The following CACNA1C variants were observed in gnomAD, a reference collection of about 807,000 sequenced individuals.
CACNA1C encodes the protein voltage-dependent L-type calcium channel subunit alpha-1C.
Under a neutral mutation model 229.0 loss-of-function variants are expected in CACNA1C, and 30 were observed. That is an observed-to-expected ratio of 0.13 (90% CI 0.10 to 0.18). CACNA1C has a LOEUF of 0.18. Ranked by LOEUF, CACNA1C falls within the 10% of genes least tolerant of loss-of-function variation. The pLI is 1.00. For synonymous variants in CACNA1C, 1,114 were observed against 1,132.5 expected (o/e 0.98, Z 0.33); for missense variants, 1,658 against 2,845.0 (o/e 0.58, Z 9.49).
At chr12:2,459,297 G>A (rs1379686930) in intron 5 of CACNA1C, among the ~76,000 whole-genome samples, 1 of 151,272 alleles carries the variant, frequency 6.6e-6, no homozygotes, top group African/African-American at 2.4e-5. Context: ...TTACCGGCAT[G>A]AGCCACTGCG....
intron 3 of CACNA1C, among the ~76,000 whole-genome samples, chr12:2,262,512 A>G (rs775986608): frequency 7.2e-5 from 11 of 152,160 alleles, no homozygotes; most frequent in Non-Finnish European, 1.3e-4. Flanking sequence ...CAGCATCTGC[A>G]GTGGTGTGTG....
chr12:2,585,548 G>A lies in CACNA1C; in HGVS notation c.2460+52G>A. On this transcript the variant is annotated intron_variant, in intron 17 of 46. Coordinates refer to ENST00000399655, the MANE Select transcript of CACNA1C (RefSeq NM_000719.7). The surrounding 1 kb of genome is among the most constrained non-coding windows in gnomAD (Gnocchi z 4.1). Reference sequence around the variant, plus strand: ...TGTGAGGCCGGTGCTGGGGAGGGAGGGCCACAGCCTTCCCAGGCCAGAACC... The same window carrying A: ...TGTGAGGCCGGTGCTGGGGAGGGAGAGCCACAGCCTTCCCAGGCCAGAACC... The A allele has an allele frequency of 6.7e-7, 1 of 1,499,292 alleles. No homozygotes were observed. The highest frequency in any genetic ancestry group is 8.9e-7 in the Non-Finnish European group (1 of 1,120,218). The allele number at this position is 1,499,292 out of a possible 1,614,324, so 92.9% of individuals were successfully genotyped here. A position where few individuals can be genotyped will look rare whatever the true frequency, so the allele number is the denominator to read the frequency against.
intron 3 of CACNA1C, among the ~76,000 whole-genome samples, chr12:2,408,222 G>A (rs1297608798): frequency 1.3e-5 from 2 of 152,202 alleles, no homozygotes; most frequent in Non-Finnish European, 2.9e-5. Flanking sequence ...TAGAATTGTA[G>A]TTTCCAGGGA....
At chr12:2,464,801 A>G (rs929530597) in intron 5 of CACNA1C, among the ~76,000 whole-genome samples, 3 of 152,202 alleles carry the variant, frequency 2.0e-5, no homozygotes, top group Non-Finnish European at 4.4e-5. Flanking sequence ...CCATGTGTGG[A>G]TAGAGGTCAG....
chr12:2,302,788 T>C (rs541604841), intron 3 of CACNA1C, among the ~76,000 whole-genome samples: 2 of 152,348 alleles, frequency 1.3e-5, no homozygotes, highest in South Asian at 4.1e-4. Context: ...CAGTAAATAT[T>C]CCCTCATGAG....
intron 13 of CACNA1C, among the ~76,000 whole-genome samples, chr12:2,580,711 G>A (rs1166052865): frequency 6.6e-6 from 1 of 152,144 alleles, no homozygotes; most frequent in Non-Finnish European, 1.5e-5. Context: ...AGAGGCCCCA[G>A]GACTGTAAGG....
At chr12:2,223,083 T>C (rs2061898163) in intron 3 of CACNA1C, among the ~76,000 whole-genome samples, 1 of 152,240 alleles carries the variant, frequency 6.6e-6, no homozygotes. Context: ...AGGCACTTAA[T>C]TTTTAAATCC....
At chr12:2,413,056 C>T (rs768610094) in intron 3 of CACNA1C, among the ~76,000 whole-genome samples, 8 of 152,216 alleles carry the variant, frequency 5.3e-5, no homozygotes, top group Non-Finnish European at 1.2e-4. Context: ...CTCGCTCTGT[C>T]GCCCAGGCTG....
intron 3 of CACNA1C, among the ~76,000 whole-genome samples, chr12:2,339,579 C>T (rs1206246744): frequency 6.6e-6 from 1 of 152,070 alleles, no homozygotes; most frequent in Non-Finnish European, 1.5e-5. Context: ...AAAATACTCT[C>T]TTTATATCCT....
At chr12:2,270,604 C>T (rs1340866748) in intron 3 of CACNA1C, among the ~76,000 whole-genome samples, 1 of 152,144 alleles carries the variant, frequency 6.6e-6, no homozygotes, top group East Asian at 1.9e-4. Flanking sequence ...GTATAGAGAG[C>T]CCACGGCCAT....
At chr12:2,227,262 T>C (rs186636704) in intron 3 of CACNA1C, among the ~76,000 whole-genome samples, 136 of 152,328 alleles carry the variant, frequency 8.9e-4, no homozygotes, top group African/African-American at 3.1e-3. Flanking sequence ...CCCAAGAACA[T>C]GAGCATTTCA....
intron 8 of CACNA1C, among the ~76,000 whole-genome samples, chr12:2,508,486 C>T (rs1456411320): frequency 6.6e-6 from 1 of 152,144 alleles, no homozygotes; most frequent in Non-Finnish European, 1.5e-5. Context: ...CCTTTCTCTA[C>T]AAAGAAAATA....
chr12:2,269,263 AT>A (rs2083740016), intron 3 of CACNA1C, among the ~76,000 whole-genome samples: 1 of 152,196 alleles, frequency 6.6e-6, no homozygotes, highest in Non-Finnish European at 1.5e-5. Context: ...TTAGTTCTTG[AT>A]TTATAGACCG....
At chr12:2,315,267 C>T (rs1367694984) in intron 3 of CACNA1C, among the ~76,000 whole-genome samples, 1 of 152,226 alleles carries the variant, frequency 6.6e-6, no homozygotes, top group Non-Finnish European at 1.5e-5. Context: ...GGAAGCACAG[C>T]TCCCTGACAT....
chr12:2,135,931 T>A (rs1269861470), intron 3 of CACNA1C, among the ~76,000 whole-genome samples: 2 of 149,376 alleles, frequency 1.3e-5, no homozygotes, highest in East Asian at 2.0e-4. Flanking sequence ...CAGTTTGATC[T>A]CAGACTGCTG....
At chr12:2,272,499 C>G (rs961613390) in intron 3 of CACNA1C, among the ~76,000 whole-genome samples, 6 of 152,346 alleles carry the variant, frequency 3.9e-5, no homozygotes, top group Admixed American at 3.3e-4. Flanking sequence ...AGCCAGACAG[C>G]AGATATTCCA....
chr12:2,435,176 C>T (rs1462946385), intron 3 of CACNA1C, among the ~76,000 whole-genome samples: 2 of 152,212 alleles, frequency 1.3e-5, no homozygotes, highest in African/African-American at 4.8e-5. Flanking sequence ...AGGTCACCGA[C>T]CTTGACCAGG....
At chr12:2,437,220 C>T (rs569087951) in intron 3 of CACNA1C, among the ~76,000 whole-genome samples, 1 of 152,216 alleles carries the variant, frequency 6.6e-6, no homozygotes, top group Non-Finnish European at 1.5e-5. Context: ...GTGACCAGGT[C>T]TGACAGGCAG....
chr12:2,603,410 C>G (rs549170774), intron 22 of CACNA1C: 1 of 152,358 alleles, frequency 6.6e-6, no homozygotes, highest in East Asian at 1.9e-4. Flanking sequence ...CCACACAAAG[C>G]ATGAAATCAG....
Sources: gnomAD v4.1 joint callset for allele counts (sites outside exome capture counted in the v4.1 genomes callset) on GRCh38, gnomAD v4.1.1 for gene constraint, Gnocchi (gnomAD v3.1) non-coding constraint, MANE v1.5 for transcripts, NCBI Gene and HGNC (gene_info 2026-07-23, HGNC 2026-07-21) for gene names.